Variants in NALCN observed in about 807,000 individuals in gnomAD.
NALCN encodes the protein sodium leak channel, non-selective.
In NALCN, 111 loss-of-function variants were observed where a neutral mutation model predicts 225.3. That is an observed-to-expected ratio of 0.49 (90% CI 0.42 to 0.58). The LOEUF is 0.58. Among genes scored for constraint, NALCN ranks in the 20% least tolerant of loss-of-function variants. NALCN has a pLI of 0.00. For missense variants in NALCN, 1,378 were observed against 2,202.4 expected (o/e 0.63, Z 7.49); for synonymous variants, 764 against 769.0 (o/e 0.99, Z 0.11).
intron 7 of NALCN, among the ~76,000 whole-genome samples, chr13:101,324,175 A>G (rs1237285284): frequency 6.6e-6 from 1 of 152,228 alleles, no homozygotes; most frequent in East Asian, 1.9e-4. Context: ...GTCACCGCCA[A>G]TTAGAATATT....
intron 14 of NALCN, among the ~76,000 whole-genome samples, chr13:101,186,284 G>A (rs1306162634): frequency 6.6e-6 from 1 of 152,156 alleles, no homozygotes; most frequent in Non-Finnish European, 1.5e-5. Context: ...TTGTTTGTTG[G>A]TTAGCCTGTC....
chr13:101,164,605 A>G (rs1389236720), intron 15 of NALCN, among the ~76,000 whole-genome samples: 1 of 152,048 alleles, frequency 6.6e-6, no homozygotes, highest in African/African-American at 2.4e-5. Flanking sequence ...TTTTATGTTG[A>G]TAATTGATAT....
chr13:101,220,674 GC>G (rs1257938565), intron 13 of NALCN, among the ~76,000 whole-genome samples: 1 of 152,144 alleles, frequency 6.6e-6, no homozygotes, highest in Non-Finnish European at 1.5e-5. Flanking sequence ...AAATAATCAG[GC>G]AAAATGGTGC....
At chr13:101,168,206 C>T (rs1210044917) in intron 15 of NALCN, among the ~76,000 whole-genome samples, 3 of 152,066 alleles carry the variant, frequency 2.0e-5, no homozygotes, top group Non-Finnish European at 2.9e-5. Context: ...TATTTATTAC[C>T]CCTTAGGGAA....
At chr13:101,099,441 T>C (rs148868262) in intron 27 of NALCN, among the ~76,000 whole-genome samples, 114 of 152,254 alleles carry the variant, frequency 7.5e-4, no homozygotes, top group African/African-American at 2.6e-3. Context: ...TAGATAGCCA[T>C]ATTTGCTAGA....
intron 7 of NALCN, among the ~76,000 whole-genome samples, chr13:101,310,168 C>T (rs1202389713): frequency 6.6e-6 from 1 of 152,202 alleles, no homozygotes; most frequent in Non-Finnish European, 1.5e-5. Flanking sequence ...ATTCTATTCT[C>T]TGCCCAGCAA....
chr13:101,130,868 G>C (rs2036484329), intron 17 of NALCN, among the ~76,000 whole-genome samples: 1 of 152,148 alleles, frequency 6.6e-6, no homozygotes, highest in Non-Finnish European at 1.5e-5. Context: ...TCAATATATA[G>C]TTTCATATCT....
intron 6 of NALCN, among the ~76,000 whole-genome samples, chr13:101,375,103 T>C (rs2139414397): frequency 6.6e-6 from 1 of 152,272 alleles, no homozygotes; most frequent in East Asian, 1.9e-4. Flanking sequence ...TCTTTATTGC[T>C]CTTTCCTTTT....
At chr13:101,142,136 G>GTTT (rs2037113045) in intron 17 of NALCN, among the ~76,000 whole-genome samples, 17 of 101,054 alleles carry the variant, frequency 1.7e-4, no homozygotes, top group South Asian at 3.6e-4. Flanking sequence ...TACATTCTAT[G>GTTT]TCTTTTTTTT....
chr13:101,391,233 CA>C (rs1213366454), intron 3 of NALCN, among the ~76,000 whole-genome samples: 1 of 151,620 alleles, frequency 6.6e-6, no homozygotes, highest in Non-Finnish European at 1.5e-5. Context: ...ATCAAAATAA[CA>C]AAAAAATACA....
chr13:101,271,674 G>A (rs1019899803), intron 10 of NALCN, among the ~76,000 whole-genome samples: 2 of 151,776 alleles, frequency 1.3e-5, no homozygotes, highest in Admixed American at 6.6e-5. Flanking sequence ...TTATGTACAA[G>A]TGTGTTTGTG....
At chr13:101,176,209 T>C (rs907660087) in intron 15 of NALCN, 91 bp downstream of exon 15, 4 of 901,488 alleles carry the variant, frequency 4.4e-6, no homozygotes, top group Non-Finnish European at 6.3e-6. Context: ...ATTTTTACTT[T>C]GAAGCTCAAA....
At chr13:101,126,496 A>ATTT (rs35175845) in intron 17 of NALCN, among the ~76,000 whole-genome samples, 115 of 144,792 alleles carry the variant, frequency 7.9e-4, no homozygotes, top group East Asian at 5.7e-3. Context: ...TTTTGGCATA[A>ATTT]TTTTTTTTTT....
chr13:101,323,179 T>A (rs979625478), intron 7 of NALCN, among the ~76,000 whole-genome samples: 14 of 152,292 alleles, frequency 9.2e-5, no homozygotes, highest in Non-Finnish European at 1.3e-4. Context: ...ATATAAAAAG[T>A]TTACTATTAA....
rs2041273611 is a variant in NALCN at position 101,229,695 on chromosome 13, CCTCT to C, written c.1435-115_1435-112del. On this transcript the variant is annotated intron_variant, in intron 12 of 43. Coordinates refer to ENST00000251127, the MANE Select transcript of NALCN (RefSeq NM_052867.4). Reference sequence around the variant, plus strand: ...TTTATAGTGCTTTATGAAAATCATACCTCTCTATTTGAATATCTAGTGACTAAAA... The same window carrying C: ...TTTATAGTGCTTTATGAAAATCATACCTATTTGAATATCTAGTGACTAAAA... 7 of 919,392 alleles carry C rather than the reference CCTCT, an allele frequency of 7.6e-6. No homozygotes were observed. In the South Asian group the frequency reaches 8.7e-5, roughly 11 times the overall value. The allele number at this position is 919,392 out of a possible 1,614,324, so 57.0% of individuals were successfully genotyped here. A position where few individuals can be genotyped will look rare whatever the true frequency, so the allele number is the denominator to read the frequency against.
chr13:101,184,896 AT>A (rs529414393), intron 14 of NALCN, among the ~76,000 whole-genome samples: 188 of 152,034 alleles, frequency 1.2e-3, no homozygotes, highest in African/African-American at 4.3e-3. Context: ...TAATTTTATG[AT>A]TTTTTTCCTT....
In NALCN at chr13:101,292,218, C is replaced by T; in HGVS notation, c.942+6G>A. ...TAGACTTTCTTAGTACAATTCTTCG[C>T]AGTACCTTCACAAGCCAGGCGAGGA... On this transcript the variant is annotated splice_donor_region_variant and intron_variant, in intron 8 of 43. Transcript: ENST00000251127. The surrounding 1 kb of genome is among the most constrained non-coding windows in gnomAD (Gnocchi z 4.3). 5 of 1,613,886 alleles carry T rather than the reference C, an allele frequency of 3.1e-6. No individual in the cohort carries two copies. The highest frequency in any genetic ancestry group is 4.2e-6 in the Non-Finnish European group (5 of 1,179,932).
At chr13:101,106,847 A>G (rs112552144) in intron 22 of NALCN, among the ~76,000 whole-genome samples, 15,896 of 152,232 alleles carry the variant, frequency 0.1, 1,084 homozygotes, top group East Asian at 0.24. Flanking sequence ...TGTCTTTATC[A>G]GTGGCATGAA....
chr13:101,245,573 A>G (rs1206288106), intron 11 of NALCN, among the ~76,000 whole-genome samples: 1 of 151,984 alleles, frequency 6.6e-6, no homozygotes, highest in East Asian at 1.9e-4. Flanking sequence ...CTACCCCCCA[A>G]CTAAGAACAT....
Sources: allele counts gnomAD v4.1 joint callset (sites outside exome capture counted in the v4.1 genomes callset), GRCh38; gene constraint gnomAD v4.1.1; non-coding constraint Gnocchi (gnomAD v3.1); transcripts MANE v1.5; gene names NCBI Gene and HGNC (gene_info 2026-07-23, HGNC 2026-07-21).